The following PCDHGA10 variants were observed in gnomAD, a reference collection of about 807,000 sequenced individuals.
PCDHGA10 encodes the protein protocadherin gamma subfamily A, 10, also known as protocadherin gamma-A10.
Under a neutral mutation model 59.5 loss-of-function variants are expected in PCDHGA10, and 42 were observed. The ratio of observed to expected loss-of-function variants is 0.71; its 90% CI spans 0.55 to 0.91. The LOEUF is 0.91. PCDHGA10 is among the 40% of genes least tolerant of loss of function. The pLI, the probability that PCDHGA10 is intolerant of heterozygous loss-of-function variation, is 0.00. For synonymous variants in PCDHGA10, 511 were observed against 517.2 expected (o/e 0.99, Z 0.16); for missense variants, 1,111 against 1,198.2 (o/e 0.93, Z 1.07).
intron 1 of PCDHGA10, chr5:141,475,934 GC>G (rs879308605): frequency 6.0e-6 from 4 of 665,236 alleles, no homozygotes; most frequent in Non-Finnish European, 1.0e-5. Context: ...TCGGGCCCCT[GC>G]CCGTCCCCTT....
At chr5:141,471,252 T>C (rs1003162914) in intron 1 of PCDHGA10, 1 of 151,872 alleles carries the variant, frequency 6.6e-6, no homozygotes, top group Non-Finnish European at 1.5e-5. Flanking sequence ...GGTTTCACCA[T>C]GTTGGCAAGG....
chr5:141,423,237 C>T (rs761825236), intron 1 of PCDHGA10: 74 of 1,613,798 alleles, frequency 4.6e-5, no homozygotes, highest in Middle Eastern at 3.3e-4. Flanking sequence ...ACAGCATCCC[C>T]GAAGTCCTGG....
chr5:141,438,685 G>A (rs2098051190), intron 1 of PCDHGA10, among the ~76,000 whole-genome samples: 1 of 143,314 alleles, frequency 7.0e-6, no homozygotes, highest in Non-Finnish European at 1.5e-5. Context: ...GTAGGGGATG[G>A]AGTCTTGCTC....
At chr5:141,417,821 A>C in intron 1 of PCDHGA10, 3 of 1,515,060 alleles carry the variant, frequency 2.0e-6, no homozygotes, top group Non-Finnish European at 1.8e-6. Context: ...ACTTTCTCCA[A>C]CTGGAAAAGC....
intron 1 of PCDHGA10, chr5:141,430,796 C>T (rs1347347402): frequency 6.6e-6 from 10 of 1,522,232 alleles, no homozygotes; most frequent in Non-Finnish European, 8.8e-6. Flanking sequence ...CTACAAAGGG[C>T]TTGTCCTGCT....
chr5:141,459,613 C>A (rs1040874685), intron 1 of PCDHGA10, among the ~76,000 whole-genome samples: 1 of 152,188 alleles, frequency 6.6e-6, no homozygotes, highest in African/African-American at 2.4e-5. Context: ...ATATGCTTAA[C>A]TTTATAAGAA....
At chr5:141,429,469 T>C (rs547784462) in intron 1 of PCDHGA10, among the ~76,000 whole-genome samples, 4 of 151,932 alleles carry the variant, frequency 2.6e-5, no homozygotes, top group African/African-American at 4.8e-5. Context: ...CCCACCTCAA[T>C]CTCCAGAGTA....
chr5:141,412,998 T>G lies in PCDHGA10; in HGVS notation c.-178T>G. 1 of 586,036 alleles carries G rather than the reference T, an allele frequency of 1.7e-6. No individual in the cohort carries two copies. Among genetic ancestry groups the G allele is most frequent in the Non-Finnish European group, 2.9e-6 (1 of 350,142 alleles). 36.3% of individuals were successfully genotyped at this position (586,036 alleles called of 1,614,324 possible). On this transcript the variant is annotated 5_prime_UTR_variant, in exon 1 of 4. Transcript: ENST00000398610. ...CGCAGCCAGAGCTCAATCCGGATTCTCAGGGCTTCAACTACACAAGCCCCA... is the reference window on the plus strand; with the variant it reads ...CGCAGCCAGAGCTCAATCCGGATTCGCAGGGCTTCAACTACACAAGCCCCA...
intron 1 of PCDHGA10, among the ~76,000 whole-genome samples, chr5:141,473,069 A>G (rs552033483): frequency 3.9e-4 from 59 of 152,180 alleles, no homozygotes; most frequent in South Asian, 8.3e-4. Flanking sequence ...AAGTTACAGC[A>G]TCTTTGTTTA....
Position 141,413,488 on chromosome 5 carries a change from C to G in PCDHGA10, c.313C>G (p.Arg105Gly). The G allele has an allele frequency of 6.2e-7, 1 of 1,613,986 alleles. No homozygotes were observed. The highest frequency in any genetic ancestry group is 8.5e-7 in the Non-Finnish European group (1 of 1,179,938). ...GGAGGAGCTCTGCGCTCAGAGCGCG[C>G]GGTGCGTGGTGAGTTTTAATATCCT... is the stretch of plus-strand genomic sequence containing the variant. ...DREELCAQSARCVVSFNILVE... is the reference protein window; with the variant it reads ...DREELCAQSAGCVVSFNILVE... Residue 105 changes from arginine (R) to glycine (G), a missense_variant, in exon 1 of 4, where the codon CGG becomes GGG. Physicochemically the swap from Arg to Gly is moderately radical, Grantham distance 125. Coordinates refer to ENST00000398610, the MANE Select transcript of PCDHGA10 (RefSeq NM_018913.3).
chr5:141,433,286 T>C (rs2097581877), intron 1 of PCDHGA10: 2 of 1,143,608 alleles, frequency 1.7e-6, no homozygotes, highest in African/African-American at 1.6e-5. Flanking sequence ...CTCAAACTCC[T>C]AGGCTCAAGC....
intron 1 of PCDHGA10, chr5:141,428,251 T>C (rs761574102): frequency 1.1e-5 from 10 of 893,496 alleles, no homozygotes; most frequent in Middle Eastern, 2.1e-4. Flanking sequence ...ACTGCCAGAC[T>C]TCAGTGACAG....
intron 1 of PCDHGA10, 66 bp downstream of exon 1, chr5:141,415,677 C>T (rs375781400): frequency 4.7e-6 from 7 of 1,499,248 alleles, no homozygotes; most frequent in Middle Eastern, 1.8e-4. Flanking sequence ...TTGAAGTTTG[C>T]GGCATGATGG....
At chr5:141,453,287 A>ATTT (rs2098760771) in intron 1 of PCDHGA10, among the ~76,000 whole-genome samples, 3 of 151,368 alleles carry the variant, frequency 2.0e-5, no homozygotes, top group African/African-American at 7.3e-5. Flanking sequence ...CTAATTTTTT[A>ATTT]ATTATTTATT....
chr5:141,485,680 C>T lies in PCDHGA10; in HGVS notation c.2437-9127C>T. The T allele has an allele frequency of 6.2e-7, 1 of 1,613,966 alleles. No individual in the cohort carries two copies. Among genetic ancestry groups the T allele is most frequent in the South Asian group, 1.1e-5 (1 of 91,066 alleles). The stretch of plus-strand genomic sequence containing the variant: ...ATGTGGGGAGCAATTCGATTAGCAG[C>T]TATAGGCTGAGCTCCAATGAACACT... On this transcript the variant is annotated intron_variant, in intron 1 of 3. Coordinates refer to ENST00000398610, the MANE Select transcript of PCDHGA10 (RefSeq NM_018913.3). The surrounding 1 kb of genome is among the most constrained non-coding windows in gnomAD (Gnocchi z 5.7).
At chr5:141,448,663 G>A (rs1195703194) in intron 1 of PCDHGA10, among the ~76,000 whole-genome samples, 3 of 151,920 alleles carry the variant, frequency 2.0e-5, no homozygotes, top group African/African-American at 7.3e-5. Flanking sequence ...CATATTGGCC[G>A]GGCGCGGTGG....
Position 141,477,464 on chromosome 5 carries a change from A to G in PCDHGA10, c.2437-17343A>G. The G allele has an allele frequency of 1.2e-6, 2 of 1,614,188 alleles. No homozygotes were observed. The highest frequency in any genetic ancestry group is 1.7e-6 in the Non-Finnish European group (2 of 1,180,034). On this transcript the variant is annotated intron_variant, in intron 1 of 3. Coordinates refer to ENST00000398610, the MANE Select transcript of PCDHGA10 (RefSeq NM_018913.3). This position sits in a 1 kb window ranked among gnomAD's most constrained non-coding sequence, Gnocchi z 4.9. ...AATAGTGCGTGTTCAAGTGTCCGAC[A>G]TCAATGACAACCCTCCACAATCTTC...
At chr5:141,462,116 C>T (rs535029363) in intron 1 of PCDHGA10, among the ~76,000 whole-genome samples, 3 of 152,152 alleles carry the variant, frequency 2.0e-5, no homozygotes, top group Admixed American at 1.3e-4. Context: ...AGCCACTGCA[C>T]CCAGTCCAAT....
At chr5:141,438,249 A>G (rs1166079222) in intron 1 of PCDHGA10, among the ~76,000 whole-genome samples, 2 of 152,168 alleles carry the variant, frequency 1.3e-5, no homozygotes, top group Non-Finnish European at 2.9e-5. Context: ...AAAAACTGTC[A>G]TTGAAGAGAC....
Sources: gnomAD v4.1 joint callset for allele counts (sites outside exome capture counted in the v4.1 genomes callset) on GRCh38, gnomAD v4.1.1 for gene constraint, Gnocchi (gnomAD v3.1) non-coding constraint, MANE v1.5 for transcripts, NCBI Gene and HGNC (gene_info 2026-07-23, HGNC 2026-07-21) for gene names.